Variants in PDPK1 observed in about 807,000 individuals in gnomAD.
PDPK1 encodes the protein 3-phosphoinositide-dependent protein kinase 1.
In PDPK1, 7 loss-of-function variants were observed where a neutral mutation model predicts 39.8. The observed-to-expected ratio is 0.18, with a 90% CI of 0.10 to 0.33. PDPK1 has a LOEUF of 0.33. PDPK1 is among the 10% of genes least tolerant of loss of function. The pLI is 1.00. For synonymous variants in PDPK1, 118 were observed against 159.1 expected (o/e 0.74, Z 1.95); for missense variants, 182 against 384.7 (o/e 0.47, Z 4.41).
rs1465984618 is a variant in PDPK1 at position 2,602,305 on chromosome 16, C to T, written c.*4538C>T. 1 of 234,556 alleles carries T rather than the reference C, an allele frequency of 4.3e-6. No individual in the cohort carries two copies. Among genetic ancestry groups the T allele is most frequent in the African/African-American group, 2.2e-5 (1 of 45,266 alleles). 14.5% of individuals were successfully genotyped at this position (234,556 alleles called of 1,614,324 possible). A position where few individuals can be genotyped will look rare whatever the true frequency, so the allele number is the denominator to read the frequency against. Reference sequence around the variant, plus strand: ...GGCCACCACTTCTGGCCCAAAATTGCAGGGTTGTAGATGAGGCTGCCTGTG... The same window carrying T: ...GGCCACCACTTCTGGCCCAAAATTGTAGGGTTGTAGATGAGGCTGCCTGTG... On this transcript the variant is annotated 3_prime_UTR_variant, in exon 14 of 14. Transcript: ENST00000342085.
At chr16:2,545,492 C>A (rs1035742731) in intron 1 of PDPK1, among the ~76,000 whole-genome samples, 3 of 151,962 alleles carry the variant, frequency 2.0e-5, no homozygotes, top group Admixed American at 2.0e-4. Context: ...TGCCACCACA[C>A]CTGGCTAATT....
At chr16:2,538,961 G>A in intron 1 of PDPK1, 1 of 356,020 alleles carries the variant, frequency 2.8e-6, no homozygotes, top group South Asian at 2.3e-5. Flanking sequence ...TGTATGCGAT[G>A]TGCAGTGGGT....
At chr16:2,587,795 A>G (rs1366967510) in intron 11 of PDPK1, among the ~76,000 whole-genome samples, 2 of 152,198 alleles carry the variant, frequency 1.3e-5, no homozygotes, top group African/African-American at 4.8e-5. Flanking sequence ...TGTTTTGCAA[A>G]CATTCTTCAG....
chr16:2,595,882 G>A (rs763256086), intron 12 of PDPK1, 32 bp downstream of exon 12: 15 of 1,561,236 alleles, frequency 9.6e-6, no homozygotes, highest in East Asian at 9.0e-5. Flanking sequence ...TGCTCCGCAC[G>A]GACACCTGCA....
In PDPK1 at chr16:2,586,696, G is replaced by T. The variant is rs561462097; in HGVS notation, c.1146G>T (p.Gln382His). Residue 382 changes from glutamine (Q) to histidine (H), a missense_variant, in exon 11 of 14, where the codon CAG becomes CAT. Physicochemically the swap from Gln to His is conservative, Grantham distance 24 (BLOSUM62 0). Around this residue, in one of 5 missense-constraint regions of PDPK1, gnomAD observed 90 missense variants for 111.9 expected, o/e 0.80. Transcript: ENST00000342085. ...CYGNYDNLLS[Q>H]FGCMQVSSSS... The stretch of plus-strand genomic sequence containing the variant: ...TGCAGTATGACAATCTCCTGAGCCA[G>T]TTTGGCTGCATGCAGGTGTCTTCGT... The T allele has an allele frequency of 6.2e-7, 1 of 1,614,248 alleles. No homozygotes were observed. Among genetic ancestry groups the T allele is most frequent in the Admixed American group, 1.7e-5 (1 of 60,036 alleles).
At position 2,597,507 on chromosome 16, in the gene PDPK1, T is replaced by C. The variant is rs1017272294; in HGVS notation, c.1555-144T>C. ...TGGGGGTGGTGGTCATCAGCCTGTG[T>C]AGTTGCTTACTGCTTGTGTGAATAA... On this transcript the variant is annotated intron_variant, in intron 13 of 13. Transcript: ENST00000342085. The surrounding 1 kb of genome is among the most constrained non-coding windows in gnomAD (Gnocchi z 6.3). The C allele has an allele frequency of 4.1e-6, 3 of 730,668 alleles. No homozygotes were observed. Among genetic ancestry groups the C allele is most frequent in the African/African-American group, 3.5e-5 (2 of 57,822 alleles). 45.3% of individuals were successfully genotyped at this position (730,668 alleles called of 1,614,324 possible).
rs955102758 is a variant in PDPK1 at position 2,599,844 on chromosome 16, C to T, written c.*2077C>T. ...GGGACGTGGCTTTAATTGGAGCACT[C>T]GGCTGGGCTGCTTGGGGAGACTCTT... On this transcript the variant is annotated 3_prime_UTR_variant, in exon 14 of 14. Transcript: ENST00000342085. 6 of 233,940 alleles carry T rather than the reference C, an allele frequency of 2.6e-5. No homozygotes were observed. The highest frequency in any genetic ancestry group is 5.6e-5 in the Admixed American group (1 of 17,788). 14.5% of individuals were successfully genotyped at this position (233,940 alleles called of 1,614,324 possible).
At chr16:2,591,600 T>C (rs1871148710) in intron 11 of PDPK1, among the ~76,000 whole-genome samples, 1 of 152,216 alleles carries the variant, frequency 6.6e-6, no homozygotes, top group African/African-American at 2.4e-5. Flanking sequence ...CTCCTCCCTT[T>C]TCTAGCTGTT....
intron 1 of PDPK1, among the ~76,000 whole-genome samples, chr16:2,546,265 G>A (rs936113975): frequency 8.6e-5 from 13 of 151,714 alleles, no homozygotes; most frequent in Non-Finnish European, 1.6e-4. Context: ...TGTGTTTTTA[G>A]TAGAGACGGG....
chr16:2,538,611 T>C (rs2066183067), intron 1 of PDPK1: 4 of 1,288,762 alleles, frequency 3.1e-6, no homozygotes, highest in Non-Finnish European at 4.0e-6. Context: ...CTGGGCCCCC[T>C]TTTCCAGATT....
At chr16:2,595,708 T>G in intron 11 of PDPK1, 85 bp from the exon 12 acceptor site, 1 of 1,078,746 alleles carries the variant, frequency 9.3e-7, no homozygotes, top group Non-Finnish European at 1.4e-6. Context: ...GCCGAGGCTA[T>G]GGGGAGTTCG....
chr16:2,546,061 A>G (rs1463466128), intron 1 of PDPK1, among the ~76,000 whole-genome samples: 1 of 152,160 alleles, frequency 6.6e-6, no homozygotes, highest in Non-Finnish European at 1.5e-5. Context: ...TGGCAAGAAT[A>G]CTGCTTAGGA....
At chr16:2,547,370 G>A (rs1391274883) in intron 1 of PDPK1, among the ~76,000 whole-genome samples, 2 of 112,936 alleles carry the variant, frequency 1.8e-5, no homozygotes, top group African/African-American at 4.4e-5. Flanking sequence ...TGCTCGGAGC[G>A]CTTCCGGCTG....
At chr16:2,585,045 C>T (rs1373513154) in intron 10 of PDPK1, among the ~76,000 whole-genome samples, 1 of 152,240 alleles carries the variant, frequency 6.6e-6, no homozygotes, top group Non-Finnish European at 1.5e-5. Context: ...CTCTGTGCTC[C>T]ATTGCTCCCA....
intron 1 of PDPK1, chr16:2,538,731 C>G (rs1368363583): frequency 2.3e-6 from 3 of 1,286,650 alleles, no homozygotes; most frequent in Middle Eastern, 2.1e-4. Context: ...CCCTGGGAGG[C>G]CGAATGTGCA....
At chr16:2,584,828 C>T (rs2066830238) in intron 10 of PDPK1, among the ~76,000 whole-genome samples, 1 of 152,228 alleles carries the variant, frequency 6.6e-6, no homozygotes, top group African/African-American at 2.4e-5. Flanking sequence ...GTCTGTGCCG[C>T]TTGATGTGGC....
rs79725266 is a variant in PDPK1 at position 2,595,524 on chromosome 16, C to T, written c.1344-269C>T. ...GCACGGTCCTCCCCCACCTTTTCCCCGCTGTGTGGATGTCACTGGCAGTGA... is the reference window on the plus strand; with the variant it reads ...GCACGGTCCTCCCCCACCTTTTCCCTGCTGTGTGGATGTCACTGGCAGTGA... On this transcript the variant is annotated intron_variant, in intron 11 of 13. Transcript: ENST00000342085. Among the ~76,000 whole-genome samples the T allele has an allele frequency of 1.4e-3, 218 of 152,332 alleles. 4 individuals are homozygous for T. The East Asian group carries it at 0.04, about 28-fold the overall frequency.
chr16:2,588,356 C>T (rs2066919585), intron 11 of PDPK1, among the ~76,000 whole-genome samples: 1 of 152,212 alleles, frequency 6.6e-6, no homozygotes, highest in Admixed American at 6.5e-5. Flanking sequence ...AGGCGTGTGC[C>T]TGGCTATGCA....
At position 2,597,889 on chromosome 16, in the gene PDPK1, C is replaced by T; in HGVS notation, c.*122C>T. On this transcript the variant is annotated 3_prime_UTR_variant, in exon 14 of 14. Coordinates refer to ENST00000342085, the MANE Select transcript of PDPK1 (RefSeq NM_002613.5). The surrounding 1 kb of genome is among the most constrained non-coding windows in gnomAD (Gnocchi z 6.3). ...CACAAGGGGAACGCAGAGGCGGAAA[C>T]CTTGCAGCATTTTTATTTAAAAGAA... The T allele has an allele frequency of 1.6e-6, 1 of 620,390 alleles. No homozygotes were observed. Among genetic ancestry groups the T allele is most frequent in the South Asian group, 2.0e-5 (1 of 49,866 alleles). 38.4% of individuals were successfully genotyped at this position (620,390 alleles called of 1,614,324 possible).
Sources: allele counts gnomAD v4.1 joint callset (sites outside exome capture counted in the v4.1 genomes callset), GRCh38; gene constraint gnomAD v4.1.1; regional missense constraint gnomAD v4.1.1; non-coding constraint Gnocchi (gnomAD v3.1); transcripts MANE v1.5; gene names NCBI Gene and HGNC (gene_info 2026-07-23, HGNC 2026-07-21).